Variants in PELI2 observed in about 807,000 individuals in gnomAD.
The protein encoded by PELI2 is E3 ubiquitin-protein ligase pellino homolog 2.
Under a neutral mutation model 42.3 loss-of-function variants are expected in PELI2, and 23 were observed. The observed-to-expected ratio is 0.54, with a 90% CI of 0.39 to 0.77. The LOEUF (loss-of-function observed/expected upper bound fraction) is 0.77, where lower values mean the gene tolerates loss of function less well. Among genes scored for constraint, PELI2 ranks in the 30% least tolerant of loss-of-function variants. The probability of loss-of-function intolerance (pLI) is 0.00; values close to 1 mark genes in which losing one functional copy is unlikely to be tolerated. For synonymous variants in PELI2, 245 were observed against 212.2 expected (o/e 1.15, Z -1.34); for missense variants, 463 against 553.2 (o/e 0.84, Z 1.64).
At chr14:56,241,563 A>G (rs1887975883) in intron 2 of PELI2, among the ~76,000 whole-genome samples, 1 of 152,144 alleles carries the variant, frequency 6.6e-6, no homozygotes. Flanking sequence ...GTTGGGGGGA[A>G]GCAGACAAAA....
Position 56,234,695 on chromosome 14 carries a change from A to G in PELI2, c.208-44981A>G, listed in dbSNP as rs547252713. On this transcript the variant is annotated intron_variant, in intron 2 of 5. Coordinates refer to ENST00000267460, the MANE Select transcript of PELI2 (RefSeq NM_021255.3). ...CAGCACACCAACATGGCACATGTAT[A>G]CATATGTAACAAAGCTGCACATTGT... Among the ~76,000 whole-genome samples, 4 of 152,324 alleles carry G rather than the reference A, an allele frequency of 2.6e-5. No individual in the cohort carries two copies. In the East Asian group the frequency reaches 7.7e-4, roughly 29 times the overall value.
intron 1 of PELI2, among the ~76,000 whole-genome samples, chr14:56,173,440 A>G (rs1885251985): frequency 6.6e-6 from 1 of 151,990 alleles, no homozygotes; most frequent in Non-Finnish European, 1.5e-5. Flanking sequence ...TGTATTGAAA[A>G]CAACTCTAAA....
At chr14:56,188,934 T>C (rs1458417970) in intron 2 of PELI2, among the ~76,000 whole-genome samples, 1 of 152,056 alleles carries the variant, frequency 6.6e-6, no homozygotes, top group Non-Finnish European at 1.5e-5. Flanking sequence ...CTGAGACAGG[T>C]GGATCACCTG....
intron 2 of PELI2, among the ~76,000 whole-genome samples, chr14:56,196,657 T>C: frequency 6.6e-6 from 1 of 152,234 alleles, no homozygotes. Flanking sequence ...CTTTAAAAAA[T>C]ATTTTTACTT....
chr14:56,141,172 G>A (rs1339212704), intron 1 of PELI2, among the ~76,000 whole-genome samples: 1 of 152,122 alleles, frequency 6.6e-6, no homozygotes, highest in African/African-American at 2.4e-5. Context: ...ACTAAAACTT[G>A]TTTCATTCAA....
At chr14:56,235,600 G>C (rs551585861) in intron 2 of PELI2, among the ~76,000 whole-genome samples, 1 of 152,376 alleles carries the variant, frequency 6.6e-6, no homozygotes, top group East Asian at 1.9e-4. Context: ...GGCTGGCCCT[G>C]CCAGAGTCAT....
Position 56,300,887 on chromosome 14 carries a change from G to A in PELI2, c.*3721G>A, listed in dbSNP as rs954382796. 2.0e-5 allele frequency: 3 copies of A among 152,048 alleles called. No homozygotes were observed. Among genetic ancestry groups the A allele is most frequent in the African/African-American group, 7.2e-5 (3 of 41,390 alleles). 9.4% of individuals were successfully genotyped at this position (152,048 alleles called of 1,614,324 possible). Reference sequence around the variant, plus strand: ...TTAAAATAATCTAAGCATCATTGAAGCAGTAACACAAAAAAAAGGTTCAGT... The same window carrying A: ...TTAAAATAATCTAAGCATCATTGAAACAGTAACACAAAAAAAAGGTTCAGT... On this transcript the variant is annotated 3_prime_UTR_variant, in exon 6 of 6. Coordinates refer to ENST00000267460, the MANE Select transcript of PELI2 (RefSeq NM_021255.3).
chr14:56,246,834 A>G (rs1319197038), intron 2 of PELI2, among the ~76,000 whole-genome samples: 1 of 152,182 alleles, frequency 6.6e-6, no homozygotes, highest in Admixed American at 6.5e-5. Context: ...TATATTGTGC[A>G]ATTTTTCTCA....
intron 2 of PELI2, among the ~76,000 whole-genome samples, chr14:56,181,982 C>G (rs1301515246): frequency 6.6e-6 from 1 of 152,136 alleles, no homozygotes; most frequent in African/African-American, 2.4e-5. Flanking sequence ...TATTCAGCAC[C>G]TTCCATGGCC....
At position 56,219,492 on chromosome 14, in the gene PELI2, A is replaced by G. The variant is rs957156648; in HGVS notation, c.207+41028A>G. On this transcript the variant is annotated intron_variant, in intron 2 of 5. Transcript: ENST00000267460. This position sits in a 1 kb window ranked among gnomAD's most constrained non-coding sequence, Gnocchi z 4.1. ...TTGTTTTACCCCTCAGCACTCAGCT[A>G]TCACAGTCATAGCTCTCTCATCTGA... is the stretch of plus-strand genomic sequence containing the variant. Among the ~76,000 whole-genome samples, 2 of 152,168 alleles carry G rather than the reference A, an allele frequency of 1.3e-5. No individual in the cohort carries two copies. The highest frequency in any genetic ancestry group is 2.4e-5 in the African/African-American group (1 of 41,438).
rs575166289 is a variant in PELI2, at chr14:56,254,292, G to A, written c.208-25384G>A. 9.9e-5 allele frequency among the ~76,000 whole-genome samples: 15 copies of A among 151,860 alleles called. No homozygotes were observed. In the East Asian group the frequency reaches 1.9e-3, roughly 20 times the overall value. ...TGCACACCTGTAGTCCCAGCTATTC[G>A]GAAGGCTGGGGCAGGAGAATTGCTT... On this transcript the variant is annotated intron_variant, in intron 2 of 5. Transcript: ENST00000267460.
At chr14:56,141,408 A>G (rs565058980) in intron 1 of PELI2, among the ~76,000 whole-genome samples, 30 of 152,298 alleles carry the variant, frequency 2.0e-4, no homozygotes, top group African/African-American at 7.2e-4. Flanking sequence ...TTGGGCAACT[A>G]AACATCTTTT....
At chr14:56,199,006 CT>C (rs1380557473) in intron 2 of PELI2, among the ~76,000 whole-genome samples, 1 of 152,096 alleles carries the variant, frequency 6.6e-6, no homozygotes, top group African/African-American at 2.4e-5. Flanking sequence ...GCTTAAATAG[CT>C]TTTGTTTTAC....
At chr14:56,280,208 T>C (rs1889430571) in intron 3 of PELI2, among the ~76,000 whole-genome samples, 2 of 152,100 alleles carry the variant, frequency 1.3e-5, no homozygotes, top group Non-Finnish European at 2.9e-5. Flanking sequence ...ATGCCTTACG[T>C]GCTTTCATTA....
At chr14:56,283,063 C>G (rs1050000520) in intron 3 of PELI2, among the ~76,000 whole-genome samples, 1 of 152,048 alleles carries the variant, frequency 6.6e-6, no homozygotes, top group African/African-American at 2.4e-5. Context: ...ACATTAAATT[C>G]CTTTAAGAAG....
intron 1 of PELI2, among the ~76,000 whole-genome samples, chr14:56,142,793 A>AT (rs1010320309): frequency 2.0e-5 from 3 of 151,924 alleles, no homozygotes; most frequent in East Asian, 1.9e-4. Flanking sequence ...CTACTGCCCT[A>AT]TTTTTTTTAA....
intron 2 of PELI2, among the ~76,000 whole-genome samples, chr14:56,258,893 T>C (rs2139831232): frequency 6.6e-6 from 1 of 151,978 alleles, no homozygotes; most frequent in East Asian, 1.9e-4. Context: ...TAAAGAAAAC[T>C]ATAGTAAGAC....
At chr14:56,233,793 G>C (rs1401750002) in intron 2 of PELI2, among the ~76,000 whole-genome samples, 1 of 152,174 alleles carries the variant, frequency 6.6e-6, no homozygotes, top group African/African-American at 2.4e-5. Flanking sequence ...CACAGCAAAA[G>C]AAACTGTCAT....
At chr14:56,292,837 C>T in intron 5 of PELI2, 1 of 953,988 alleles carries the variant, frequency 1.0e-6, no homozygotes. Flanking sequence ...GAATTGTGCC[C>T]TCCTTTTTTA....
Sources: allele counts gnomAD v4.1 joint callset (sites outside exome capture counted in the v4.1 genomes callset), GRCh38; gene constraint gnomAD v4.1.1; non-coding constraint Gnocchi (gnomAD v3.1); transcripts MANE v1.5; gene names NCBI Gene and HGNC (gene_info 2026-07-23, HGNC 2026-07-21).